Variants in PKP3 observed in about 807,000 individuals in gnomAD.
PKP3 encodes plakophilin 3.
Under a neutral mutation model 76.5 loss-of-function variants are expected in PKP3, and 66 were observed. The observed-to-expected ratio is 0.86, with a 90% CI of 0.71 to 1.06. The LOEUF is 1.06. PKP3 is among the 50% of genes least tolerant of loss of function. The pLI, the probability that PKP3 is intolerant of heterozygous loss-of-function variation, is 0.00. For missense variants in PKP3, 1,338 were observed against 1,141.0 expected (o/e 1.17, Z -2.49); for synonymous variants, 638 against 516.5 (o/e 1.24, Z -3.19).
Position 396,665 on chromosome 11 carries a change from G to A in PKP3, c.290G>A (p.Gly97Asp), listed in dbSNP as rs1847048845. 1.2e-5 allele frequency: 19 copies of A among 1,611,222 alleles called. No individual in the cohort carries two copies. Among genetic ancestry groups the A allele is most frequent in the Non-Finnish European group, 1.6e-5 (19 of 1,179,222 alleles). ...LQAGFSSRSQ[G>D]LSGDKTSGFR... ...GCTGGCTTCAGCTCTCGCTCTCAGG[G>A]CCTGAGTGGGGACAAGACCTCGGTG... Residue 97 changes from glycine to aspartate, a missense_variant, in exon 2 of 13, where the codon GGC becomes GAC. Coordinates refer to ENST00000331563, the MANE Select transcript of PKP3 (RefSeq NM_007183.4).
chr11:399,665 G>C (rs1456957704), intron 5 of PKP3, among the ~76,000 whole-genome samples: 2 of 146,738 alleles, frequency 1.4e-5, no homozygotes, highest in Non-Finnish European at 3.0e-5. Context: ...GTTTCTACTT[G>C]GGCCTCCACT....
rs1564877442 is a variant in PKP3 at position 394,260 on chromosome 11, G to A, written c.-33G>A. ...GTGAAGATAGTTGGGTTTGGAGGCG[G>A]CCGCCAGGCCCAGGCCCGGTGGACC... On this transcript the variant is annotated 5_prime_UTR_variant, in exon 1 of 13. Transcript: ENST00000331563. 5 of 1,465,054 alleles carry A rather than the reference G, an allele frequency of 3.4e-6. No homozygotes were observed. The South Asian group carries it at 4.0e-5, about 12-fold the overall frequency. 90.8% of individuals were successfully genotyped at this position (1,465,054 alleles called of 1,614,324 possible). A position where few individuals can be genotyped will look rare whatever the true frequency, so the allele number is the denominator to read the frequency against.
At chr11:403,033 G>A (rs1847182406) in intron 8 of PKP3, 45 bp from the exon 9 acceptor site, 1 of 564,056 alleles carries the variant, frequency 1.8e-6, no homozygotes, top group Non-Finnish European at 2.2e-6. Context: ...CGCTCACCCC[G>A]ACCCGCTCAC....
chr11:397,284 C>A lies in PKP3; in HGVS notation c.783C>A (p.Arg261=). The change falls in exon 3 of 13, where the codon CGC becomes CGA. Residue 261 remains arginine (R), a synonymous_variant. Transcript: ENST00000331563. The part of the protein sequence containing the change: ...LQRFQSSHRS[R]GVGGAVPGAV... ...GATTCCAGAGCAGCCACCGGAGCCGCGGGGTAGGCGGGGCAGTGCCGGGGG... is the reference window on the plus strand; with the variant it reads ...GATTCCAGAGCAGCCACCGGAGCCGAGGGGTAGGCGGGGCAGTGCCGGGGG... 1 of 1,593,222 alleles carries A rather than the reference C, an allele frequency of 6.3e-7. No homozygotes were observed.
rs368100123 is a variant in PKP3, at chr11:397,283, G to T, written c.782G>T (p.Arg261Leu). ...CGATTCCAGAGCAGCCACCGGAGCC[G>T]CGGGGTAGGCGGGGCAGTGCCGGGG... ...LQRFQSSHRS[R>L]GVGGAVPGAV... Residue 261 changes from arginine (R) to leucine (L), a missense_variant, in exon 3 of 13, where the codon CGC becomes CTC. By Grantham distance (102) the Arg-to-Leu change is moderately radical. Coordinates refer to ENST00000331563, the MANE Select transcript of PKP3 (RefSeq NM_007183.4). 7 of 1,592,570 alleles carry T rather than the reference G, an allele frequency of 4.4e-6. No individual in the cohort carries two copies. Among genetic ancestry groups the T allele is most frequent in the East Asian group, 4.5e-5 (2 of 44,092 alleles).
intron 9 of PKP3, among the ~76,000 whole-genome samples, 164 bp from the exon 10 acceptor site, chr11:403,454 A>G (rs1847192608): frequency 6.6e-6 from 1 of 152,076 alleles, no homozygotes; most frequent in African/African-American, 2.4e-5. Context: ...GAAGGGAGGC[A>G]CCTGATCCGG....
Position 404,254 on chromosome 11 carries a change from C to T in PKP3, c.2289C>T (p.Ser763=). The change falls in exon 12 of 13, where the codon TCC becomes TCT. Residue 763 remains serine (S), a synonymous_variant. Coordinates refer to ENST00000331563, the MANE Select transcript of PKP3 (RefSeq NM_007183.4). This position sits in a 1 kb window ranked among gnomAD's most constrained non-coding sequence, Gnocchi z 4.2. The part of the protein sequence containing the change: ...KKRDSPDSEK[S]SRAASSLLAN... Reference sequence around the variant, plus strand: ...CCCTCAGCCCCGACAGTGAGAAGTCCTCCCGGGCAGCATCCAGCCTCCTGG... The same window carrying T: ...CCCTCAGCCCCGACAGTGAGAAGTCTTCCCGGGCAGCATCCAGCCTCCTGG... The T allele has an allele frequency of 1.2e-6, 2 of 1,612,642 alleles. No homozygotes were observed. The highest frequency in any genetic ancestry group is 1.7e-6 in the Non-Finnish European group (2 of 1,179,846).
upstream of PKP3, chr11:393,426 G>C (rs908142352): frequency 6.6e-6 from 1 of 152,044 alleles, no homozygotes; most frequent in Non-Finnish European, 1.5e-5. Context: ...CTCATGTGCT[G>C]GGAACGGCCT....
At chr11:395,988 C>T (rs1457792194) in intron 1 of PKP3, among the ~76,000 whole-genome samples, 2 of 152,180 alleles carry the variant, frequency 1.3e-5, no homozygotes, top group Non-Finnish European at 2.9e-5. Context: ...CCTCCATCCA[C>T]CCTCCGCCCT....
intron 1 of PKP3, among the ~76,000 whole-genome samples, 168 bp downstream of exon 1, chr11:394,692 GGCTGCCCTGTCCAA>G (rs1847023080): frequency 6.6e-6 from 1 of 152,202 alleles, no homozygotes; most frequent in Non-Finnish European, 1.5e-5. Flanking sequence ...CCATGGGTGG[GGCTGCCCTGTCCAA>G]GCAGGGACCC....
chr11:398,967 C>T (rs1847100378), intron 4 of PKP3, 25 bp from the exon 5 acceptor site: 4 of 1,518,632 alleles, frequency 2.6e-6, no homozygotes, highest in South Asian at 1.3e-5. Flanking sequence ...TGCGTCTGTG[C>T]ACCCCCATAT....
At chr11:399,725 C>A (rs1381216378) in intron 5 of PKP3, among the ~76,000 whole-genome samples, 1 of 150,472 alleles carries the variant, frequency 6.6e-6, no homozygotes, top group African/African-American at 2.5e-5. Context: ...GGTTTTGTCT[C>A]CTTGGAGCCG....
Position 400,086 on chromosome 11 carries a change from A to G in PKP3, c.1393A>G (p.Ile465Val). 6.3e-7 allele frequency: 1 copy of G among 1,597,782 alleles called. No homozygotes were observed. The highest frequency in any genetic ancestry group is 8.5e-7 in the Non-Finnish European group (1 of 1,175,298). ...PLSGAGGPPLIQQNASEAEIF... is the reference protein window; with the variant it reads ...PLSGAGGPPLVQQNASEAEIF... ...GTCGGGGGCTGGGGGTCCCCCCCTCATCCAGCAGAACGCCTCGGAGGCAGA... is the reference window on the plus strand; with the variant it reads ...GTCGGGGGCTGGGGGTCCCCCCCTCGTCCAGCAGAACGCCTCGGAGGCAGA... Residue 465 changes from isoleucine (I) to valine (V), a missense_variant, in exon 6 of 13, where the codon ATC (isoleucine) becomes GTC (valine). Ile to Val is a conservative substitution (Grantham distance 29). Coordinates refer to ENST00000331563, the MANE Select transcript of PKP3 (RefSeq NM_007183.4).
In PKP3 at chr11:403,719, G is replaced by C. The variant is rs149219722; in HGVS notation, c.2025G>C (p.Leu675=). ...RTADHHQLRS[L]TGLIRNLSRN... ...CCGACCACCACCAGCTGCGCTCACT[G>C]ACTGGCCTCATCCGAAACCTGTCTC... Residue 675 remains leucine, a synonymous_variant, in exon 10 of 13, where the codon CTG becomes CTC. Coordinates refer to ENST00000331563, the MANE Select transcript of PKP3 (RefSeq NM_007183.4). 9.5e-5 allele frequency: 153 copies of C among 1,610,082 alleles called. 3 individuals carry two copies. In the Middle Eastern group the frequency reaches 7.6e-3, roughly 80 times the overall value.
At chr11:392,791 T>A, upstream of PKP3, 1 of 646,390 alleles carries the variant, frequency 1.5e-6, no homozygotes, top group South Asian at 1.5e-5. Context: ...CAGTGGACCT[T>A]CCCCTCCCCC....
chr11:396,927 C>T lies in PKP3; in HGVS notation c.426C>T (p.Ala142=), dbSNP rs1847054473. Residue 142 remains alanine (A), a synonymous_variant, in exon 3 of 13, where the codon GCC becomes GCT. Coordinates refer to ENST00000331563, the MANE Select transcript of PKP3 (RefSeq NM_007183.4). ...GTTCAGCCCACAACGGGGGCAGCGC[C>T]TTTGGGGCCGCTGGGTACGGGGGTG... The part of the protein sequence containing the change: ...RLSSAHNGGS[A]FGAAGYGGAQ... 3 of 1,596,150 alleles carry T rather than the reference C, an allele frequency of 1.9e-6. No homozygotes were observed. Among genetic ancestry groups the T allele is most frequent in the African/African-American group, 1.3e-5 (1 of 74,836 alleles).
At position 397,001 on chromosome 11, in the gene PKP3, G is replaced by A. The variant is rs1050828898; in HGVS notation, c.500G>A (p.Arg167His). The change falls in exon 3 of 13, where the codon CGC (arginine) becomes CAC (histidine). Residue 167 changes from arginine (R) to histidine (H), a missense_variant. Arg to His is a conservative substitution (Grantham distance 29). Transcript: ENST00000331563. Reference sequence around the variant, plus strand: ...ACCAGGCCCGTGTCCTTCCATGAGCGCGGTGGGGTTGGGAGCCGGGCCGAC... The same window carrying A: ...ACCAGGCCCGTGTCCTTCCATGAGCACGGTGGGGTTGGGAGCCGGGCCGAC... Reference protein sequence around the residue: ...MPTRPVSFHERGGVGSRADYD... With the variant: ...MPTRPVSFHEHGGVGSRADYD... 6.3e-6 allele frequency: 10 copies of A among 1,599,862 alleles called. No individual in the cohort carries two copies. The highest frequency in any genetic ancestry group is 3.3e-5 in the Admixed American group (2 of 59,944).
chr11:403,086 C>G lies in PKP3; in HGVS notation c.1746C>G (p.Leu582=), dbSNP rs1386183860. ...CTCCCCGCCCTGCGCAGCTGCCCCT[C>G]GCCGCCGATGCGCTCACCTTCGCGG... The part of the protein sequence containing the change: ...PQSRRLRELP[L]AADALTFAEV... The change falls in exon 9 of 13, where the codon CTC becomes CTG. Residue 582 remains leucine (L), a synonymous_variant. Coordinates refer to ENST00000331563, the MANE Select transcript of PKP3 (RefSeq NM_007183.4). 2 of 1,505,652 alleles carry G rather than the reference C, an allele frequency of 1.3e-6. No individual in the cohort carries two copies. Among genetic ancestry groups the G allele is most frequent in the African/African-American group, 1.5e-5 (1 of 65,336 alleles). 93.3% of individuals were successfully genotyped at this position (1,505,652 alleles called of 1,614,324 possible).
chr11:400,248 G>C, intron 6 of PKP3, 86 bp from the exon 7 acceptor site: 1 of 1,420,750 alleles, frequency 7.0e-7, no homozygotes, highest in South Asian at 1.4e-5. Context: ...TCGCGCTGGG[G>C]ATGGGCGTGC....
Sources: allele counts gnomAD v4.1 joint callset (sites outside exome capture counted in the v4.1 genomes callset), GRCh38; gene constraint gnomAD v4.1.1; non-coding constraint Gnocchi (gnomAD v3.1); transcripts MANE v1.5; gene names NCBI Gene and HGNC (gene_info 2026-07-23, HGNC 2026-07-21).